The following EFCAB7 variants were observed in gnomAD, a reference collection of about 807,000 sequenced individuals.
EFCAB7 encodes the protein EF-hand calcium-binding domain-containing protein 7.
EFCAB7 carries 66 observed loss-of-function variants against 77.1 expected under a neutral mutation model. That is an observed-to-expected ratio of 0.86 (90% CI 0.70 to 1.05). The LOEUF is 1.05. Ranked by LOEUF, EFCAB7 falls within the 50% of genes least tolerant of loss-of-function variation. The pLI, the probability that EFCAB7 is intolerant of heterozygous loss-of-function variation, is 0.00. For missense variants in EFCAB7, 638 were observed against 730.5 expected (o/e 0.87, Z 1.46); for synonymous variants, 225 against 243.3 (o/e 0.92, Z 0.70).
At chr1:63,569,439 T>C (rs1216569969) in intron 12 of EFCAB7, 1 of 152,228 alleles carries the variant, frequency 6.6e-6, no homozygotes, top group Non-Finnish European at 1.5e-5. Context: ...GGTTTTATTC[T>C]GTTTCTCTTG....
intron 11 of EFCAB7, among the ~76,000 whole-genome samples, chr1:63,562,090 A>G (rs571893716): frequency 1.3e-5 from 2 of 152,278 alleles, no homozygotes; most frequent in Non-Finnish European, 2.9e-5. Context: ...GAGTCTAAGC[A>G]TATAATATGC....
At chr1:63,572,399 A>AAT in intron 13 of EFCAB7, 43 bp from the exon 14 acceptor site, 1 of 1,521,632 alleles carries the variant, frequency 6.6e-7, no homozygotes, top group Non-Finnish European at 8.9e-7. Context: ...CAAAAGTAAC[A>AAT]ATATATAAAA....
chr1:63,538,464 T>G (rs963506145), intron 6 of EFCAB7, among the ~76,000 whole-genome samples: 1 of 152,096 alleles, frequency 6.6e-6, no homozygotes, highest in Non-Finnish European at 1.5e-5. Flanking sequence ...TCTTTTTCTT[T>G]TTTTTTTGAG....
At chr1:63,555,664 A>C (rs1216297999) in intron 9 of EFCAB7, 149 bp downstream of exon 9, 1 of 630,070 alleles carries the variant, frequency 1.6e-6, no homozygotes. Flanking sequence ...ATGAACTTGG[A>C]GGATGTTCTG....
At chr1:63,545,355 C>T (rs939359505) in intron 6 of EFCAB7, among the ~76,000 whole-genome samples, 2 of 152,186 alleles carry the variant, frequency 1.3e-5, no homozygotes, top group Non-Finnish European at 2.9e-5. Context: ...ATCAATTAGA[C>T]AGTAAATATT....
At chr1:63,528,986 T>G (rs1402238462) in intron 2 of EFCAB7, 1 of 152,152 alleles carries the variant, frequency 6.6e-6, no homozygotes. Context: ...ACAACTTCAT[T>G]TACATCTACT....
chr1:63,578,446 A>ATT, the EFCAB7 span, among the ~76,000 whole-genome samples: 1,887 of 141,972 alleles, frequency 0.013, 48 homozygotes, highest in African/African-American at 0.041. Context: ...TCTAACATAC[A>ATT]TTTTTTTTTT....
rs768457852 is a variant in EFCAB7, at chr1:63,551,838, T to C, written c.1056+4T>C. On this transcript the variant is annotated splice_donor_region_variant and intron_variant, in intron 8 of 13. Coordinates refer to ENST00000371088, the MANE Select transcript of EFCAB7 (RefSeq NM_032437.4). ...TACCGAACTACGAAATAGAGAAGTATACATATTTATTTTCTAATGTTTAAT... is the reference window on the plus strand; with the variant it reads ...TACCGAACTACGAAATAGAGAAGTACACATATTTATTTTCTAATGTTTAAT... 2 of 1,526,444 alleles carry C rather than the reference T, an allele frequency of 1.3e-6. No homozygotes were observed. Among genetic ancestry groups the C allele is most frequent in the Non-Finnish European group, 1.8e-6 (2 of 1,131,228 alleles). The allele number at this position is 1,526,444 out of a possible 1,614,324, so 94.6% of individuals were successfully genotyped here.
rs1646787970 is a variant in EFCAB7, at chr1:63,538,402, G to A, written c.804+4186G>A. ...ATAACATTTTAGTCTAGGTCCTAGAGAAAAAGCTTTGTATGATTGAAAGTC... is the reference window on the plus strand; with the variant it reads ...ATAACATTTTAGTCTAGGTCCTAGAAAAAAAGCTTTGTATGATTGAAAGTC... On this transcript the variant is annotated intron_variant, in intron 6 of 13. Coordinates refer to ENST00000371088, the MANE Select transcript of EFCAB7 (RefSeq NM_032437.4). 2.0e-5 allele frequency among the ~76,000 whole-genome samples: 3 copies of A among 151,960 alleles called. No homozygotes were observed. In the South Asian group the frequency reaches 6.2e-4, roughly 32 times the overall value.
chr1:63,554,325 T>G (rs1051285364), intron 8 of EFCAB7, among the ~76,000 whole-genome samples: 4 of 152,100 alleles, frequency 2.6e-5, no homozygotes, highest in African/African-American at 9.7e-5. Flanking sequence ...GAGATACCAT[T>G]TGCTTTCTTT....
chr1:63,525,422 A>G (rs1557666440), intron 1 of EFCAB7, 150 bp from the exon 2 acceptor site: 1 of 552,390 alleles, frequency 1.8e-6, no homozygotes, highest in Non-Finnish European at 3.0e-6. Flanking sequence ...CACATATAAA[A>G]CTTTTAATAT....
chr1:63,546,101 C>A, intron 7 of EFCAB7, 44 bp downstream of exon 7: 1 of 1,588,660 alleles, frequency 6.3e-7, no homozygotes, highest in South Asian at 1.1e-5. Context: ...TCAATTTGTA[C>A]CCTCCTTGAA....
rs933561234 is a variant in EFCAB7, at chr1:63,523,612, C to T, written c.-24C>T. On this transcript the variant is annotated 5_prime_UTR_variant, in exon 1 of 14. Transcript: ENST00000371088. ...TCGCCGAAGAGAATTGGCTGCGCTT[C>T]CTTGTTTGTGAGCTAGAATTAGGTA... The T allele has an allele frequency of 1.6e-5, 3 of 186,630 alleles. No homozygotes were observed. The highest frequency in any genetic ancestry group is 3.5e-5 in the Non-Finnish European group (3 of 86,906). The allele number at this position is 186,630 out of a possible 1,614,324, so 11.6% of individuals were successfully genotyped here.
At chr1:63,527,795 A>C (rs1274108858) in intron 2 of EFCAB7, 1 of 152,164 alleles carries the variant, frequency 6.6e-6, no homozygotes, top group Non-Finnish European at 1.5e-5. Flanking sequence ...TTACCAGTAC[A>C]TTTTTTAAAA....
intron 11 of EFCAB7, among the ~76,000 whole-genome samples, chr1:63,562,849 A>C (rs1327787754): frequency 6.6e-6 from 1 of 151,936 alleles, no homozygotes; most frequent in Non-Finnish European, 1.5e-5. Flanking sequence ...CTTTTTCCAT[A>C]CTTGAATCAA....
At chr1:63,536,683 A>C (rs1370576812) in intron 6 of EFCAB7, 1 of 152,114 alleles carries the variant, frequency 6.6e-6, no homozygotes, top group Non-Finnish European at 1.5e-5. Context: ...GCCTGGCCAC[A>C]TTTTTCTTTA....
downstream of EFCAB7, among the ~76,000 whole-genome samples, chr1:63,574,900 C>A (rs1647367688): frequency 6.6e-6 from 1 of 151,998 alleles, no homozygotes; most frequent in South Asian, 2.1e-4. Context: ...TGGAGCGGGG[C>A]AGAAAGTATA....
intron 11 of EFCAB7, among the ~76,000 whole-genome samples, chr1:63,563,914 C>G (rs1351514292): frequency 6.6e-6 from 1 of 152,082 alleles, no homozygotes; most frequent in Admixed American, 6.5e-5. Flanking sequence ...AATAGTTGCT[C>G]TTTTACTGAA....
chr1:63,531,983 T>G lies in EFCAB7; in HGVS notation c.351T>G (p.Asn117Lys). ...LLKSFKQLDV[N>K]DDGCILHTDL... is the part of the protein sequence containing the mutation. ...AATCATTTAAGCAATTAGATGTAAA[T>G]GATGATGGCTGTATTTTACACACTG... Residue 117 changes from asparagine (N) to lysine (K), a missense_variant, in exon 3 of 14, where the codon AAT becomes AAG. Coordinates refer to ENST00000371088, the MANE Select transcript of EFCAB7 (RefSeq NM_032437.4). The G allele has an allele frequency of 6.2e-7, 1 of 1,612,414 alleles. No homozygotes were observed. The highest frequency in any genetic ancestry group is 8.5e-7 in the Non-Finnish European group (1 of 1,178,878).
Sources: gnomAD v4.1 joint callset for allele counts (sites outside exome capture counted in the v4.1 genomes callset) on GRCh38, gnomAD v4.1.1 for gene constraint, MANE v1.5 for transcripts, NCBI Gene and HGNC (gene_info 2026-07-23, HGNC 2026-07-21) for gene names.